TMEM74: variants seen among roughly 807,000 people sequenced by gnomAD.
TMEM74 encodes transmembrane protein 74.
Under a neutral mutation model 18.1 loss-of-function variants are expected in TMEM74, and 13 were observed. The observed-to-expected ratio is 0.72, with a 90% CI of 0.47 to 1.14. The LOEUF (loss-of-function observed/expected upper bound fraction) is 1.14, where lower values mean the gene tolerates loss of function less well. Among genes scored for constraint, TMEM74 ranks in the 50% most tolerant of loss-of-function variants. The pLI is 0.00. For synonymous variants in TMEM74, 159 were observed against 146.6 expected, an observed-to-expected ratio of 1.08 and a Z score of -0.61; for missense variants, 372 against 375.9, an observed-to-expected ratio of 0.99 and a Z score of 0.09.
intron 1 of TMEM74, among the ~76,000 whole-genome samples, chr8:108,748,442 A>T (rs1207531342): frequency 6.6e-6 from 1 of 151,796 alleles, no homozygotes. Flanking sequence ...ATTTGTTTAC[A>T]TTCCTGGTAG....
chr8:108,734,197 G>A (rs145247061), intron 1 of TMEM74, among the ~76,000 whole-genome samples: 24 of 152,180 alleles, frequency 1.6e-4, no homozygotes, highest in Admixed American at 3.9e-4. Context: ...ACTCTCTCTC[G>A]GAGCTCGGAC....
chr8:108,741,969 A>G (rs1329276507), intron 1 of TMEM74, among the ~76,000 whole-genome samples: 1 of 152,228 alleles, frequency 6.6e-6, no homozygotes, highest in Admixed American at 6.5e-5. Flanking sequence ...TGCAGCCATA[A>G]AAACGAATGA....
intron 2 of TMEM74, among the ~76,000 whole-genome samples, chr8:108,643,150 A>G (rs1373154739): frequency 1.3e-5 from 2 of 152,214 alleles, no homozygotes; most frequent in Non-Finnish European, 2.9e-5. Flanking sequence ...AGAGAAATAC[A>G]TAGCCTAACC....
At chr8:108,615,942 A>G (rs916939454) in intron 2 of TMEM74, among the ~76,000 whole-genome samples, 9 of 146,030 alleles carry the variant, frequency 6.2e-5, no homozygotes, top group African/African-American at 2.3e-4. Context: ...ACGTGCCACC[A>G]CACCCAGCTA....
chr8:108,718,183 C>T (rs549518611), intron 1 of TMEM74, among the ~76,000 whole-genome samples: 1 of 72,194 alleles, frequency 1.4e-5, no homozygotes, highest in Non-Finnish European at 2.2e-5. Context: ...TGGTCTCGAT[C>T]TCCTGACCTC....
downstream of TMEM74, among the ~76,000 whole-genome samples, chr8:108,776,379 G>C (rs1412910506): frequency 2.0e-5 from 3 of 152,210 alleles, no homozygotes; most frequent in Non-Finnish European, 4.4e-5. Context: ...TGTAATCCCA[G>C]CTACTGGGGA....
chr8:108,766,223 CCTTT>C (rs1464403042), intron 1 of TMEM74, among the ~76,000 whole-genome samples: 21 of 151,828 alleles, frequency 1.4e-4, no homozygotes, highest in Non-Finnish European at 2.6e-4. Context: ...TTCCTTCCTT[CCTTT>C]CTTCTTTCTT....
intron 1 of TMEM74, among the ~76,000 whole-genome samples, chr8:108,752,297 C>T (rs770825551): frequency 6.6e-6 from 1 of 152,042 alleles, no homozygotes; most frequent in Non-Finnish European, 1.5e-5. Context: ...AAGTTCTTTA[C>T]AAGGGATGAC....
intron 1 of TMEM74, among the ~76,000 whole-genome samples, chr8:108,730,021 C>T (rs1234684964): frequency 6.6e-6 from 1 of 152,194 alleles, no homozygotes; most frequent in Non-Finnish European, 1.5e-5. Context: ...AGAGTCCCAG[C>T]GGTCTTTCAA....
chr8:108,730,413 T>A (rs1813681468), intron 1 of TMEM74, among the ~76,000 whole-genome samples: 1 of 152,182 alleles, frequency 6.6e-6, no homozygotes, highest in South Asian at 2.1e-4. Flanking sequence ...ACAGACCAAC[T>A]GCCTCTCGTC....
chr8:108,719,024 C>A (rs905780479), intron 1 of TMEM74, among the ~76,000 whole-genome samples: 1 of 150,692 alleles, frequency 6.6e-6, no homozygotes, highest in African/African-American at 2.4e-5. Context: ...ATATTTGTAT[C>A]CTTGTAGTCA....
chr8:108,669,585 C>T (rs1812982454), intron 1 of TMEM74, among the ~76,000 whole-genome samples: 1 of 152,070 alleles, frequency 6.6e-6, no homozygotes, highest in African/African-American at 2.4e-5. Flanking sequence ...AAGATATTAG[C>T]TTTGTTTTCA....
intron 1 of TMEM74, among the ~76,000 whole-genome samples, chr8:108,712,833 T>G (rs1198142021): frequency 6.6e-6 from 1 of 152,130 alleles, no homozygotes; most frequent in Non-Finnish European, 1.5e-5. Context: ...GCCCTTAGAA[T>G]GTAACAGAAA....
intron 2 of TMEM74, among the ~76,000 whole-genome samples, chr8:108,644,235 A>T (rs998373797): frequency 6.6e-6 from 1 of 152,200 alleles, no homozygotes; most frequent in Non-Finnish European, 1.5e-5. Context: ...CAAGGTCGAC[A>T]AAAACAAGCA....
intron 1 of TMEM74, among the ~76,000 whole-genome samples, chr8:108,751,374 G>A (rs2130653088): frequency 6.6e-6 from 1 of 152,232 alleles, no homozygotes; most frequent in African/African-American, 2.4e-5. Flanking sequence ...TAGCACAGTA[G>A]AAATGCCATT....
chr8:108,770,395 T>C (rs1434318480), intron 1 of TMEM74, among the ~76,000 whole-genome samples: 1 of 152,222 alleles, frequency 6.6e-6, no homozygotes, highest in African/African-American at 2.4e-5. Flanking sequence ...CAAATTTGAA[T>C]GTTTTTATTG....
intron 1 of TMEM74, among the ~76,000 whole-genome samples, chr8:108,733,793 C>T (rs764801772): frequency 9.2e-5 from 14 of 152,156 alleles, no homozygotes; most frequent in Non-Finnish European, 2.1e-4. Context: ...GTTCATACCA[C>T]GGTGAATGGC....
chr8:108,656,634 T>C (rs1812824022), intron 1 of TMEM74, among the ~76,000 whole-genome samples: 1 of 152,130 alleles, frequency 6.6e-6, no homozygotes, highest in African/African-American at 2.4e-5. Context: ...GACTTCATTG[T>C]CCCGAAGAGA....
intron 1 of TMEM74, among the ~76,000 whole-genome samples, chr8:108,671,075 A>G (rs916843401): frequency 2.0e-5 from 3 of 152,186 alleles, no homozygotes; most frequent in East Asian, 1.9e-4. Flanking sequence ...TCAGGGAAGA[A>G]CGCTGAGACC....
Sources: allele counts gnomAD v4.1 joint callset (sites outside exome capture counted in the v4.1 genomes callset), GRCh38; gene constraint gnomAD v4.1.1; transcripts MANE v1.5; gene names NCBI Gene and HGNC (gene_info 2026-07-23, HGNC 2026-07-21).